MVB12A: variants seen among roughly 807,000 people sequenced by gnomAD.
MVB12A encodes the protein multivesicular body subunit 12A.
A neutral mutation model predicts 34.3 loss-of-function variants in MVB12A; 30 were observed. That is an observed-to-expected ratio of 0.88 (90% CI 0.65 to 1.19). The LOEUF (loss-of-function observed/expected upper bound fraction) is 1.19, where lower values mean the gene tolerates loss of function less well. Ranked by LOEUF, MVB12A falls within the 50% of genes most tolerant of loss-of-function variation. The pLI is 0.00. For synonymous variants in MVB12A, 158 were observed against 158.9 expected (o/e 0.99, Z 0.04); for missense variants, 355 against 369.2 (o/e 0.96, Z 0.31).
intron 3 of MVB12A, chr19:17,420,886 T>A: frequency 1.5e-6 from 1 of 674,104 alleles, no homozygotes; most frequent in Non-Finnish European, 2.7e-6. Flanking sequence ...CCTGTTTCAC[T>A]ACTGTTGTGC....
intron 2 of MVB12A, among the ~76,000 whole-genome samples, chr19:17,410,644 T>G (rs2074763441): frequency 6.9e-6 from 1 of 144,992 alleles, no homozygotes; most frequent in Non-Finnish European, 1.5e-5. Context: ...TAGAGAAACA[T>G]TTCAGTTGGG....
upstream of MVB12A, chr19:17,419,447 T>G (rs1276735052): frequency 6.6e-6 from 1 of 152,230 alleles, no homozygotes; most frequent in African/African-American, 2.4e-5. Flanking sequence ...AAACGTATTG[T>G]GCCTGTGAAC....
intron 2 of MVB12A, among the ~76,000 whole-genome samples, chr19:17,410,607 C>CACAT (rs1555734749): frequency 1.4e-4 from 19 of 135,602 alleles, no homozygotes; most frequent in African/African-American, 4.8e-4. Context: ...TATATATACA[C>CACAT]ATATATATAT....
chr19:17,406,503 T>C (rs2074729586), intron 2 of MVB12A: 1 of 152,140 alleles, frequency 6.6e-6, no homozygotes, highest in South Asian at 2.1e-4. Flanking sequence ...GCCCAGATTC[T>C]GTTAGGTCTG....
chr19:17,415,055 G>A (rs911250946), upstream of MVB12A: 1 of 151,828 alleles, frequency 6.6e-6, no homozygotes, highest in African/African-American at 2.4e-5. Context: ...TGGGCTTGGT[G>A]GTGCGAGCCT....
intron 2 of MVB12A, chr19:17,414,505 T>C (rs12972417): frequency 0.63 from 95,764 of 152,204 alleles, 33,733 homozygotes; most frequent in Non-Finnish European, 0.81. Context: ...CCTGGGTCCA[T>C]GGTCAATCAA....
intron 2 of MVB12A, among the ~76,000 whole-genome samples, chr19:17,410,567 CATATATATACATATATATAT>C (rs2074761869): frequency 1.0e-5 from 1 of 99,150 alleles, no homozygotes; most frequent in Non-Finnish European, 2.0e-5. Context: ...CATATATATA[CATATATATACATATATATAT>C]ACACACATAT....
chr19:17,416,225 GCGCA>G (rs1222607703), upstream of MVB12A, among the ~76,000 whole-genome samples: 6 of 79,212 alleles, frequency 7.6e-5, no homozygotes, highest in African/African-American at 5.8e-4. Context: ...GGGATTACAG[GCGCA>G]TGCCACTGAG....
chr19:17,417,170 T>C, upstream of MVB12A: 1 of 213,440 alleles, frequency 4.7e-6, no homozygotes, highest in South Asian at 7.0e-5. Flanking sequence ...GACGTCAACC[T>C]GCTTTTCACT....
In MVB12A at chr19:17,420,112, C is replaced by A; in HGVS notation, c.-24C>A. On this transcript the variant is annotated 5_prime_UTR_variant, in exon 1 of 9. Transcript: ENST00000317040. ...GGTTCGAGGCTGTGCCCCGCGACCCCGCCTTCGGCGCTCGGCTCGCAGGAT... is the reference window on the plus strand; with the variant it reads ...GGTTCGAGGCTGTGCCCCGCGACCCAGCCTTCGGCGCTCGGCTCGCAGGAT... 7.5e-7 allele frequency: 1 copy of A among 1,329,304 alleles called. No individual in the cohort carries two copies. The highest frequency in any genetic ancestry group is 9.6e-7 in the Non-Finnish European group (1 of 1,044,612). 82.3% of individuals were successfully genotyped at this position (1,329,304 alleles called of 1,614,324 possible).
upstream of MVB12A, among the ~76,000 whole-genome samples, chr19:17,418,632 C>A (rs1231434541): frequency 6.6e-6 from 1 of 151,620 alleles, no homozygotes; most frequent in African/African-American, 2.4e-5. Context: ...TCAGATGATC[C>A]GCCCGCCTCG....
At chr19:17,413,224 C>T (rs1032456302) in intron 2 of MVB12A, 1 of 152,080 alleles carries the variant, frequency 6.6e-6, no homozygotes, top group African/African-American at 2.4e-5. Context: ...GGTACAGACG[C>T]GGTGGTACAT....
intron 2 of MVB12A, among the ~76,000 whole-genome samples, chr19:17,412,132 ACCAGACGTGACAAGC>A (rs1201166558): frequency 2.0e-5 from 3 of 152,204 alleles, no homozygotes; most frequent in Non-Finnish European, 4.4e-5. Flanking sequence ...CAGAGGTGCC[ACCAGACGTGACAAGC>A]CCTGCCCTGG....
At chr19:17,414,737 CGT>C (rs1295769302) in intron 2 of MVB12A, 5 of 151,832 alleles carry the variant, frequency 3.3e-5, no homozygotes, top group African/African-American at 1.2e-4. Flanking sequence ...GGTGTGGTGG[CGT>C]GTGTCTATAA....
rs556696371 is a variant in MVB12A, at chr19:17,410,745, A to G, written c.-5+4449A>G. 3.2e-3 allele frequency among the ~76,000 whole-genome samples: 465 copies of G among 146,292 alleles called. 6 individuals are homozygous for G. The highest frequency in any genetic ancestry group is 0.018 in the Middle Eastern group (5 of 276). ...GGAGTTCGAGACCAGCCTGGCCAAC[A>G]TGGTGAAACCCTGTCTCTACTAAAA... On this transcript the variant is annotated intron_variant, in intron 2 of 6. Transcript: ENST00000528604.
intron 6 of MVB12A, 57 bp downstream of exon 6, chr19:17,423,856 A>C (rs1443065404): frequency 1.3e-6 from 2 of 1,580,936 alleles, no homozygotes; most frequent in African/African-American, 2.7e-5. Flanking sequence ...CTGTCTTGAG[A>C]TTACACAACC....
intron 3 of MVB12A, among the ~76,000 whole-genome samples, chr19:17,421,416 T>A (rs1266242594): frequency 2.6e-5 from 4 of 151,908 alleles, no homozygotes; most frequent in Non-Finnish European, 2.9e-5. Context: ...ACTCGTGACC[T>A]CAGGTGATCC....
chr19:17,410,557 C>CATATATATACATATATATACAT (rs1156247844), intron 2 of MVB12A, among the ~76,000 whole-genome samples: 5 of 125,566 alleles, frequency 4.0e-5, no homozygotes, highest in Non-Finnish European at 8.1e-5. Context: ...TATACACACA[C>CATATATATACATATATATACAT]ATATATATAC....
Position 17,421,720 on chromosome 19 carries a change from T to A in MVB12A, c.287-612T>A, listed in dbSNP as rs1456629702. The stretch of plus-strand genomic sequence containing the variant: ...ACTTTGGGAGCCTGAGGCGGGCAGA[T>A]CACCTGAGGTCAGGAGTTCCAGACC... On this transcript the variant is annotated intron_variant, in intron 3 of 8. Transcript: ENST00000317040. Among the ~76,000 whole-genome samples the A allele has an allele frequency of 3.9e-5, 6 of 151,964 alleles. No individual in the cohort carries two copies. In the East Asian group the frequency reaches 9.8e-4, roughly 25 times the overall value.
Sources: gnomAD v4.1 joint callset for allele counts (sites outside exome capture counted in the v4.1 genomes callset) on GRCh38, gnomAD v4.1.1 for gene constraint, MANE v1.5 for transcripts, NCBI Gene and HGNC (gene_info 2026-07-23, HGNC 2026-07-21) for gene names.